The following IFFO2 variants were observed in gnomAD, a reference collection of about 807,000 sequenced individuals.
IFFO2 encodes intermediate filament family orphan 2.
In IFFO2, 19 loss-of-function variants were observed where a neutral mutation model predicts 53.5. The ratio of observed to expected loss-of-function variants is 0.36; its 90% CI spans 0.25 to 0.52. The LOEUF (loss-of-function observed/expected upper bound fraction) is 0.52. Ranked by LOEUF, IFFO2 falls within the 20% of genes least tolerant of loss-of-function variation. The probability of loss-of-function intolerance (pLI) is 0.94; values close to 1 mark genes in which losing one functional copy is unlikely to be tolerated. For synonymous variants in IFFO2, 303 were observed against 313.6 expected, an observed-to-expected ratio of 0.97 and a Z score of 0.36; for missense variants, 570 against 727.4, an observed-to-expected ratio of 0.78 and a Z score of 2.49.
chr1:18,929,016 C>A (rs1936338673), intron 1 of IFFO2, among the ~76,000 whole-genome samples: 1 of 152,202 alleles, frequency 6.6e-6, no homozygotes. Context: ...AGCATGCATT[C>A]ATTCGTTTGC....
At chr1:18,953,279 T>C (rs752961171) in intron 1 of IFFO2, among the ~76,000 whole-genome samples, 13 of 152,178 alleles carry the variant, frequency 8.5e-5, no homozygotes, top group African/African-American at 2.9e-4. Context: ...GAAGACCCTT[T>C]GAGATCATCT....
chr1:18,915,981 C>T (rs762963215), intron 5 of IFFO2, among the ~76,000 whole-genome samples: 6 of 151,996 alleles, frequency 3.9e-5, no homozygotes, highest in East Asian at 1.9e-4. Flanking sequence ...AAAAATTAGC[C>T]GGGCATCATG....
rs1346180997 is a variant in IFFO2, at chr1:18,936,912, G to T, written c.666-15791C>A. Among the ~76,000 whole-genome samples, 1 of 146,334 alleles carries T rather than the reference G, an allele frequency of 6.8e-6. No homozygotes were observed. The highest frequency in any genetic ancestry group is 2.5e-5 in the African/African-American group (1 of 39,628). On this transcript the variant is annotated intron_variant, in intron 1 of 8. Coordinates refer to ENST00000455833, the MANE Select transcript of IFFO2 (RefSeq NM_001136265.2). The surrounding 1 kb of genome is among the most constrained non-coding windows in gnomAD (Gnocchi z 4.5). The stretch of plus-strand genomic sequence containing the variant: ...AAATGGGTGAGAATGACCCCACCTG[G>T]ATTCAATGAGGATGTGCAAACACAA...
chr1:18,949,032 C>T (rs1936625007), intron 1 of IFFO2, among the ~76,000 whole-genome samples: 1 of 152,226 alleles, frequency 6.6e-6, no homozygotes. Context: ...GCCCCAGCAC[C>T]CTGCACTGCC....
rs35968677 is a variant in IFFO2, at chr1:18,922,648, G to A, written c.666-1527C>T. Reference sequence around the variant, plus strand: ...TAGGCTGAGATCTGCGTGGGCTCCCGGGCCCGGACCTGGAGGGCAAGGGGC... The same window carrying A: ...TAGGCTGAGATCTGCGTGGGCTCCCAGGCCCGGACCTGGAGGGCAAGGGGC... On this transcript the variant is annotated intron_variant, in intron 1 of 8. Coordinates refer to ENST00000455833, the MANE Select transcript of IFFO2 (RefSeq NM_001136265.2). 2.5e-3 allele frequency among the ~76,000 whole-genome samples: 381 copies of A among 152,142 alleles called. 5 individuals are homozygous for A. The highest frequency in any genetic ancestry group is 8.5e-3 in the African/African-American group (354 of 41,508).
In IFFO2 at chr1:18,918,577, G is replaced by A; in HGVS notation, c.823-75C>T. ...GGGGGGCTTGGCAGAGAGGTGGGGA[G>A]ACCCCTAGGTGTCAGCAGGGGTGGT... is the stretch of plus-strand genomic sequence containing the variant. On this transcript the variant is annotated intron_variant, in intron 3 of 8. Transcript: ENST00000455833. The surrounding 1 kb of genome is among the most constrained non-coding windows in gnomAD (Gnocchi z 5.2). 21 of 1,486,902 alleles carry A rather than the reference G, an allele frequency of 1.4e-5. No individual in the cohort carries two copies. Among genetic ancestry groups the A allele is most frequent in the Non-Finnish European group, 1.7e-5 (19 of 1,094,368 alleles). 92.1% of individuals were successfully genotyped at this position (1,486,902 alleles called of 1,614,324 possible).
At chr1:18,953,572 C>G (rs979560343) in intron 1 of IFFO2, among the ~76,000 whole-genome samples, 2 of 152,200 alleles carry the variant, frequency 1.3e-5, no homozygotes, top group Admixed American at 1.3e-4. Context: ...CTAGCCCCCC[C>G]TCAACCTCAC....
chr1:18,922,248 C>T (rs1416827541), intron 1 of IFFO2, among the ~76,000 whole-genome samples: 4 of 152,140 alleles, frequency 2.6e-5, no homozygotes, highest in Non-Finnish European at 5.9e-5. Context: ...CAACAGAGTT[C>T]CTCCCTCCCT....
rs559132127 is a variant in IFFO2 at position 18,917,287 on chromosome 1, C to T, written c.964-245G>A. ...GCCCTGGGCGGCCTGGTGGGTGCGC[C>T]GGCTCGGCTCGCCCTTTTACCACAG... On this transcript the variant is annotated intron_variant, in intron 4 of 8. Transcript: ENST00000455833. This position sits in a 1 kb window ranked among gnomAD's most constrained non-coding sequence, Gnocchi z 5.9. Among the ~76,000 whole-genome samples the T allele has an allele frequency of 1.1e-4, 16 of 152,288 alleles. No homozygotes were observed. The highest frequency in any genetic ancestry group is 5.9e-4 in the Admixed American group (9 of 15,298).
At chr1:18,937,439 C>T (rs891231991) in intron 1 of IFFO2, among the ~76,000 whole-genome samples, 1 of 152,192 alleles carries the variant, frequency 6.6e-6, no homozygotes, top group Non-Finnish European at 1.5e-5. Context: ...CCTGGCATTC[C>T]ACCTGATGTG....
In IFFO2 at chr1:18,905,223, A is replaced by C. The variant is rs1487970846; in HGVS notation, c.*3338T>G. The C allele has an allele frequency of 1.4e-5, 2 of 138,888 alleles. No individual in the cohort carries two copies. The highest frequency in any genetic ancestry group is 5.0e-4 in the East Asian group (2 of 4,036). 8.6% of individuals were successfully genotyped at this position (138,888 alleles called of 1,614,324 possible). On this transcript the variant is annotated 3_prime_UTR_variant, in exon 9 of 9. Transcript: ENST00000455833. ...AGGAGCTGAGGGGTCAGAGGAGAGG[A>C]GAATGGGGTGAAGTGGGACCTACAC...
At chr1:18,943,889 G>A (rs545002067) in intron 1 of IFFO2, among the ~76,000 whole-genome samples, 27 of 152,318 alleles carry the variant, frequency 1.8e-4, no homozygotes, top group African/African-American at 4.1e-4. Flanking sequence ...CTGTCTCTGC[G>A]GACCCCACTG....
rs1186701523 is a variant in IFFO2 at position 18,936,695 on chromosome 1, T to C, written c.666-15574A>G. ...ACCTCAGGGTAATCTCCCGCATACTTACTCACCCGCAGCCGCCCTGGAGCC... is the reference window on the plus strand; with the variant it reads ...ACCTCAGGGTAATCTCCCGCATACTCACTCACCCGCAGCCGCCCTGGAGCC... On this transcript the variant is annotated intron_variant, in intron 1 of 8. Transcript: ENST00000455833. The surrounding 1 kb of genome is among the most constrained non-coding windows in gnomAD (Gnocchi z 4.5). 6.6e-6 allele frequency among the ~76,000 whole-genome samples: 1 copy of C among 152,194 alleles called. No individual in the cohort carries two copies. Among genetic ancestry groups the C allele is most frequent in the Non-Finnish European group, 1.5e-5 (1 of 68,020 alleles).
rs1386215829 is a variant in IFFO2 at position 18,917,502 on chromosome 1, T to C, written c.964-460A>G. On this transcript the variant is annotated intron_variant, in intron 4 of 8. Transcript: ENST00000455833. This position sits in a 1 kb window ranked among gnomAD's most constrained non-coding sequence, Gnocchi z 5.9. ...CCCAAGGTTCACCGAAAGCTTCCAC[T>C]CCAAGCAGACAAGCCACGAGCAAAC... 6.6e-6 allele frequency among the ~76,000 whole-genome samples: 1 copy of C among 151,908 alleles called. No individual in the cohort carries two copies. Among genetic ancestry groups the C allele is most frequent in the East Asian group, 1.9e-4 (1 of 5,166 alleles).
chr1:18,924,126 C>A (rs1042019574), intron 1 of IFFO2, among the ~76,000 whole-genome samples: 35 of 152,236 alleles, frequency 2.3e-4, no homozygotes, highest in African/African-American at 8.2e-4. Context: ...TCCCTCCCGG[C>A]GGTGGTGGAG....
At chr1:18,925,122 T>C (rs1936264950) in intron 1 of IFFO2, among the ~76,000 whole-genome samples, 1 of 152,138 alleles carries the variant, frequency 6.6e-6, no homozygotes, top group East Asian at 1.9e-4. Context: ...GATTACCTTC[T>C]CGGTGGTATC....
intron 1 of IFFO2, among the ~76,000 whole-genome samples, chr1:18,927,800 TC>T (rs1387722282): frequency 1.3e-5 from 2 of 152,238 alleles, no homozygotes; most frequent in Non-Finnish European, 2.9e-5. Context: ...CAGAGCAGGC[TC>T]CCCGGTGGGG....
intron 1 of IFFO2, among the ~76,000 whole-genome samples, chr1:18,948,037 C>G (rs1936612388): frequency 6.6e-6 from 1 of 152,230 alleles, no homozygotes; most frequent in South Asian, 2.1e-4. Flanking sequence ...CTCTCTGAAC[C>G]TCTCATTTGT....
chr1:18,913,824 T>TTG (rs989581721), intron 5 of IFFO2, among the ~76,000 whole-genome samples: 23 of 41,556 alleles, frequency 5.5e-4, no homozygotes, highest in East Asian at 9.1e-4. Context: ...GTTGTTGTTG[T>TTG]TTTTTTGTTT....
Sources: allele counts gnomAD v4.1 joint callset (sites outside exome capture counted in the v4.1 genomes callset), GRCh38; gene constraint gnomAD v4.1.1; non-coding constraint Gnocchi (gnomAD v3.1); transcripts MANE v1.5; gene names NCBI Gene and HGNC (gene_info 2026-07-23, HGNC 2026-07-21).